Variants in POLA1 observed in about 807,000 individuals in gnomAD.
The protein encoded by POLA1 is DNA polymerase alpha catalytic subunit.
A neutral mutation model predicts 124.0 loss-of-function variants in POLA1; 15 were observed. The observed-to-expected ratio is 0.12, with a 90% CI of 0.08 to 0.19. The LOEUF (loss-of-function observed/expected upper bound fraction) is 0.19, where lower values mean the gene tolerates loss of function less well. Ranked by LOEUF, POLA1 falls within the 10% of genes least tolerant of loss-of-function variation. POLA1 has a pLI of 1.00. For synonymous variants in POLA1, 408 were observed against 389.4 expected, an observed-to-expected ratio of 1.05 and a Z score of -0.56; for missense variants, 886 against 1,103.4, an observed-to-expected ratio of 0.80 and a Z score of 2.79.
chrX:24,822,025 A>AACCACAC (rs2046096466), intron 31 of POLA1, among the ~76,000 whole-genome samples: 1 of 111,332 alleles, frequency 9.0e-6, no homozygotes, highest in East Asian at 2.8e-4. Context: ...CCTATGAGGA[A>AACCACAC]ACCACACAAT....
At chrX:24,782,773 C>T (rs1487312658) in intron 26 of POLA1, among the ~76,000 whole-genome samples, 2 of 110,947 alleles carry the variant, frequency 1.8e-5, no homozygotes, top group Non-Finnish European at 3.8e-5. Context: ...GATGCCAAAC[C>T]CTTATTAAAT....
At chrX:24,732,522 A>T in intron 16 of POLA1, 68 bp downstream of exon 16, 3 of 626,361 alleles carry the variant, frequency 4.8e-6, no homozygotes, top group Non-Finnish European at 7.8e-6. Context: ...TTCTCCAGCT[A>T]TTGGATCAGT....
intron 15 of POLA1, among the ~76,000 whole-genome samples, chrX:24,731,725 A>G (rs1343476210): frequency 9.0e-6 from 1 of 110,748 alleles, no homozygotes; most frequent in African/African-American, 3.3e-5. Flanking sequence ...TATTTGGCCC[A>G]AGGTGTTAAT....
intron 26 of POLA1, among the ~76,000 whole-genome samples, chrX:24,778,259 C>T (rs2045182042): frequency 9.0e-6 from 1 of 110,699 alleles, no homozygotes; most frequent in African/African-American, 3.3e-5. Context: ...TTTTTTTTCC[C>T]CAAGATGGAG....
chrX:24,949,478 A>G (rs1406833865), intron 36 of POLA1, among the ~76,000 whole-genome samples: 1 of 109,414 alleles, frequency 9.1e-6, no homozygotes, highest in African/African-American at 3.3e-5. Context: ...TCATGTGGTT[A>G]CTATAAGCAT....
At chrX:24,708,974 G>GC (rs1929038967) in intron 4 of POLA1, among the ~76,000 whole-genome samples, 1 of 79,171 alleles carries the variant, frequency 1.3e-5, no homozygotes, top group African/African-American at 4.4e-5. Context: ...GGGCAGAGGC[G>GC]CCCCTCACCT....
rs11573337 is a variant in POLA1 at position 24,722,749 on chromosome X, T to C, written c.1088-406T>C. Among the ~76,000 whole-genome samples the C allele has an allele frequency of 9.9e-3, 1,114 of 112,292 alleles. 13 individuals carry two copies. Among genetic ancestry groups the C allele is most frequent in the African/African-American group, 0.035 (1,066 of 30,878 alleles). On this transcript the variant is annotated intron_variant, in intron 10 of 36. Transcript: ENST00000379068. ...TTTTTTTTTTCTTGAGACAGGGTTT[T>C]GCTGTGTTGACCAGGCTGGTCTCAA...
At chrX:24,971,931 G>GATTTGATTTTATTTTATTTT (rs1556036894) in intron 36 of POLA1, among the ~76,000 whole-genome samples, 7 of 86,900 alleles carry the variant, frequency 8.1e-5, no homozygotes, top group South Asian at 6.1e-4. Flanking sequence ...GGATGTGGAA[G>GATTTGATTTTATTTTATTTT]ATTTTATTTT....
intron 20 of POLA1, among the ~76,000 whole-genome samples, chrX:24,740,199 TA>T (rs1371571261): frequency 8.9e-6 from 1 of 111,866 alleles, no homozygotes; most frequent in Non-Finnish European, 1.9e-5. Context: ...ACTAAATTAA[TA>T]GGTGTATTTT....
intron 32 of POLA1, among the ~76,000 whole-genome samples, chrX:24,831,449 C>G (rs2046259734): frequency 2.7e-5 from 3 of 110,052 alleles, no homozygotes; most frequent in Non-Finnish European, 3.8e-5. Context: ...GAGAAAGAGT[C>G]TTACTCTGTC....
intron 34 of POLA1, among the ~76,000 whole-genome samples, chrX:24,873,987 A>G (rs73471548): frequency 0.041 from 4,568 of 111,616 alleles, 231 homozygotes; most frequent in African/African-American, 0.14. Flanking sequence ...CAACAGCCAC[A>G]TACAGCGACT....
rs1344916118 is a variant in POLA1, at chrX:24,868,265, G to A, written c.4048-19741G>A. Among the ~76,000 whole-genome samples the A allele has an allele frequency of 8.9e-5, 10 of 112,131 alleles. No homozygotes were observed. In the Admixed American group the frequency reaches 9.5e-4, roughly 11 times the overall value. On this transcript the variant is annotated intron_variant, in intron 34 of 36. Transcript: ENST00000379068. ...TTTTCTTCGTGAGCAAACGGGAAGA[G>A]TCATTTTGGTTGTTTGGTAGAAGAT...
At chrX:24,750,836 C>T (rs1932283119) in intron 26 of POLA1, among the ~76,000 whole-genome samples, 1 of 111,463 alleles carries the variant, frequency 9.0e-6, no homozygotes. Flanking sequence ...CCTCTTATTA[C>T]AGGAAGATCA....
At position 24,709,322 on chromosome X, in the gene POLA1, C is replaced by T. The variant is rs868222892; in HGVS notation, c.346+4853C>T. Reference sequence around the variant, plus strand: ...CCCCCCACCTCCCTCCCGGATGGGGCGGCTGGCTGGGCGGGGGGCTGACCC... The same window carrying T: ...CCCCCCACCTCCCTCCCGGATGGGGTGGCTGGCTGGGCGGGGGGCTGACCC... On this transcript the variant is annotated intron_variant, in intron 4 of 36. Coordinates refer to ENST00000379068, the MANE Select transcript of POLA1 (RefSeq NM_001330360.2). Among the ~76,000 whole-genome samples, 483 of 89,196 alleles carry T rather than the reference C, an allele frequency of 5.4e-3. 4 individuals are homozygous for T. Among genetic ancestry groups the T allele is most frequent in the Non-Finnish European group, 7.8e-3 (350 of 44,762 alleles). 77.5% of individuals were successfully genotyped at this position (89,196 alleles called of 115,157 possible).
chrX:24,734,115 T>G, intron 17 of POLA1: 1 of 142,845 alleles, frequency 7.0e-6, no homozygotes, highest in Non-Finnish European at 1.4e-5. Flanking sequence ...GATCATATGA[T>G]TCCTGTTTTG....
chrX:24,940,258 A>G (rs1171923371), intron 36 of POLA1, among the ~76,000 whole-genome samples: 1 of 112,106 alleles, frequency 8.9e-6, no homozygotes, highest in Non-Finnish European at 1.9e-5. Flanking sequence ...TCATGACAGC[A>G]AATTAGATAT....
At chrX:24,869,532 ACAGG>A (rs899786356) in intron 34 of POLA1, among the ~76,000 whole-genome samples, 14 of 112,305 alleles carry the variant, frequency 1.2e-4, no homozygotes, top group African/African-American at 3.6e-4. Flanking sequence ...TTGGACTCTC[ACAGG>A]CAGCCTAGCC....
At chrX:24,928,819 A>G (rs1445182097) in intron 35 of POLA1, among the ~76,000 whole-genome samples, 1 of 111,711 alleles carries the variant, frequency 9.0e-6, no homozygotes, top group Admixed American at 9.5e-5. Context: ...TAACTGGTGT[A>G]TAATAGTATA....
chrX:24,697,422 A>G (rs1424125283), intron 1 of POLA1, among the ~76,000 whole-genome samples: 3 of 112,006 alleles, frequency 2.7e-5, no homozygotes, highest in African/African-American at 9.7e-5. Flanking sequence ...AAATCATTTG[A>G]GTGACATCCA....
Sources: gnomAD v4.1 joint callset for allele counts (sites outside exome capture counted in the v4.1 genomes callset) on GRCh38, gnomAD v4.1.1 for gene constraint, MANE v1.5 for transcripts, NCBI Gene and HGNC (gene_info 2026-07-23, HGNC 2026-07-21) for gene names.